SRCIN1: variants seen among roughly 807,000 people sequenced by gnomAD.
The protein encoded by SRCIN1 is SRC kinase signaling inhibitor 1.
In SRCIN1, 50 loss-of-function variants were observed where a neutral mutation model predicts 116.2. The ratio of observed to expected loss-of-function variants is 0.43; its 90% CI spans 0.34 to 0.54. The LOEUF is 0.54. Ranked by LOEUF, SRCIN1 falls within the 20% of genes least tolerant of loss-of-function variation. The pLI is 0.02. For synonymous variants in SRCIN1, 736 were observed against 750.0 expected (o/e 0.98, Z 0.30); for missense variants, 1,446 against 1,672.0 (o/e 0.86, Z 2.36).
Position 38,563,349 on chromosome 17 carries a change from G to C in SRCIN1, c.714C>G (p.Asn238Lys), listed in dbSNP as rs868705738. 1 of 1,577,728 alleles carries C rather than the reference G, an allele frequency of 6.3e-7. No homozygotes were observed. Among genetic ancestry groups the C allele is most frequent in the South Asian group, 1.2e-5 (1 of 85,662 alleles). Residue 238 changes from asparagine (N) to lysine (K), a missense_variant, in exon 5 of 19, where the codon AAC becomes AAG. Coordinates refer to ENST00000617146, the MANE Select transcript of SRCIN1 (RefSeq NM_025248.3). The surrounding 1 kb of genome is among the most constrained non-coding windows in gnomAD (Gnocchi z 5.8). ...TAILIKDEARNVFYELEDVRD... is the reference protein window; with the variant it reads ...TAILIKDEARKVFYELEDVRD... ...GGACGTCCTCCAGCTCGTAGAAGAC[G>C]TTGCGAGCCTCGTCTTTGATGAGGA...
chr17:38,566,599 T>C (rs936190303), intron 3 of SRCIN1, among the ~76,000 whole-genome samples: 3 of 152,172 alleles, frequency 2.0e-5, no homozygotes, highest in Admixed American at 6.5e-5. Flanking sequence ...AGGTTGTCCA[T>C]AGACTAGGGA....
At chr17:38,595,785 C>T (rs1314277623) in intron 1 of SRCIN1, among the ~76,000 whole-genome samples, 1 of 152,240 alleles carries the variant, frequency 6.6e-6, no homozygotes, top group Non-Finnish European at 1.5e-5. Flanking sequence ...TACATGGCGG[C>T]TTTGCAGCCT....
At position 38,562,243 on chromosome 17, in the gene SRCIN1, G is replaced by A. The variant is rs1046407725; in HGVS notation, c.920C>T (p.Ser307Leu). 18 of 1,459,414 alleles carry A rather than the reference G, an allele frequency of 1.2e-5. No homozygotes were observed. The highest frequency in any genetic ancestry group is 1.5e-5 in the African/African-American group (1 of 67,214). 90.4% of individuals were successfully genotyped at this position (1,459,414 alleles called of 1,614,324 possible). Residue 307 changes from serine (S) to leucine (L), a missense_variant, in exon 7 of 19, where the codon TCG (serine) becomes TTG (leucine). Physicochemically the swap from Ser to Leu is moderately radical, Grantham distance 145. This residue lies in a region of SRCIN1 where 239 missense variants were observed against 317.7 expected (regional missense o/e 0.75). Coordinates refer to ENST00000617146, the MANE Select transcript of SRCIN1 (RefSeq NM_025248.3). This position sits in a 1 kb window ranked among gnomAD's most constrained non-coding sequence, Gnocchi z 4.2. The stretch of plus-strand genomic sequence containing the variant: ...CCCCGACGGCAGCCCGGGCGGCGGC[G>A]AGCCGGATGCCAGGTGCGGCGCTGG... The part of the protein sequence containing the change: ...LSPAPHLASG[S>L]PPPGLPSGLP...
intron 18 of SRCIN1, 86 bp downstream of exon 18, chr17:38,543,737 G>C: frequency 2.0e-6 from 3 of 1,520,188 alleles, no homozygotes; most frequent in Non-Finnish European, 2.6e-6. Context: ...CTGGTCACGG[G>C]AGCAGGGGCA....
In SRCIN1 at chr17:38,559,636, C is replaced by G. The variant is rs1431568753; in HGVS notation, c.1974G>C (p.Gln658His). Reference protein sequence around the residue: ...LQMQLHLRGLQNSASDLRGQL... With the variant: ...LQMQLHLRGLHNSASDLRGQL... ...GGCCGCGCAAGTCACTGGCGCTGTT[C>G]TGCAGGCCTCGCAGGTGAAGCTGCA... Residue 658 changes from glutamine (Q) to histidine (H), a missense_variant, in exon 10 of 19, where the codon CAG becomes CAC. This residue lies in a region of SRCIN1 where 398 missense variants were observed against 385.6 expected (regional missense o/e 1.03). Transcript: ENST00000617146. The G allele has an allele frequency of 3.7e-6, 6 of 1,603,302 alleles. No individual in the cohort carries two copies. Among genetic ancestry groups the G allele is most frequent in the Non-Finnish European group, 5.1e-6 (6 of 1,179,496 alleles).
At position 38,584,093 on chromosome 17, in the gene SRCIN1, T is replaced by C. The variant is rs557402358; in HGVS notation, c.23-5302A>G. ...CGTCCTGTTCCAGGCAGGGAGGGCATGAGAGACCCGGGCTGGGGTCTTAAG... is the reference window on the plus strand; with the variant it reads ...CGTCCTGTTCCAGGCAGGGAGGGCACGAGAGACCCGGGCTGGGGTCTTAAG... On this transcript the variant is annotated intron_variant, in intron 1 of 18. Transcript: ENST00000617146. Among the ~76,000 whole-genome samples the C allele has an allele frequency of 4.6e-5, 7 of 152,140 alleles. No individual in the cohort carries two copies. In the East Asian group the frequency reaches 1.4e-3, roughly 29 times the overall value.
chr17:38,550,298 T>G (rs1005847580), intron 15 of SRCIN1, among the ~76,000 whole-genome samples: 1 of 151,942 alleles, frequency 6.6e-6, no homozygotes, highest in Non-Finnish European at 1.5e-5. Flanking sequence ...ATCGAGACCA[T>G]CCTGGCTAAC....
intron 1 of SRCIN1, among the ~76,000 whole-genome samples, chr17:38,603,425 C>T (rs1337878984): frequency 1.3e-5 from 2 of 151,668 alleles, no homozygotes; most frequent in Non-Finnish European, 2.9e-5. Flanking sequence ...GGGGTTCATT[C>T]GAGCGACCCT....
At chr17:38,540,570 G>A (rs972925691) in intron 18 of SRCIN1, among the ~76,000 whole-genome samples, 7 of 152,240 alleles carry the variant, frequency 4.6e-5, no homozygotes, top group African/African-American at 1.7e-4. Context: ...GCCACAGGCT[G>A]AGCTAGTGTG....
intron 3 of SRCIN1, among the ~76,000 whole-genome samples, chr17:38,567,725 G>A (rs534029297): frequency 1.3e-5 from 2 of 152,252 alleles, no homozygotes; most frequent in South Asian, 4.1e-4. Context: ...ACAGGCTTGA[G>A]GGTGTAGGAC....
rs1337897079 is a variant in SRCIN1 at position 38,572,513 on chromosome 17, G to A, written c.325-4282C>T. On this transcript the variant is annotated intron_variant, in intron 2 of 18. Transcript: ENST00000617146. This position sits in a 1 kb window ranked among gnomAD's most constrained non-coding sequence, Gnocchi z 4.3. ...CACCTAATGCGGTGGGGGAGGGGAG[G>A]AGGCGTTTCTCAGGGATCGGGAACC... Among the ~76,000 whole-genome samples the A allele has an allele frequency of 6.6e-6, 1 of 151,970 alleles. No individual in the cohort carries two copies. The highest frequency in any genetic ancestry group is 1.5e-5 in the Non-Finnish European group (1 of 67,956).
chr17:38,556,910 G>A (rs78699272), intron 11 of SRCIN1, among the ~76,000 whole-genome samples: 3 of 152,176 alleles, frequency 2.0e-5, no homozygotes, highest in East Asian at 1.9e-4. Flanking sequence ...TTAATGTCTC[G>A]GTAAAGTTGC....
chr17:38,605,584 G>T, intron 1 of SRCIN1, 100 bp downstream of exon 1: 1 of 984,562 alleles, frequency 1.0e-6, no homozygotes. Context: ...CCCGGCCGCC[G>T]CCCCCGCCCC....
chr17:38,578,118 T>C (rs1907526951), intron 2 of SRCIN1, among the ~76,000 whole-genome samples: 1 of 152,164 alleles, frequency 6.6e-6, no homozygotes, highest in African/African-American at 2.4e-5. Context: ...CACCACAGGA[T>C]GGACTCTCAG....
rs947390049 is a variant in SRCIN1, at chr17:38,602,561, C to G, written c.22+3123G>C. The G allele has an allele frequency of 6.6e-6, 1 of 152,186 alleles. No homozygotes were observed. The highest frequency in any genetic ancestry group is 1.5e-5 in the Non-Finnish European group (1 of 68,056). 9.4% of individuals were successfully genotyped at this position (152,186 alleles called of 1,614,324 possible). A position where few individuals can be genotyped will look rare whatever the true frequency, so the allele number is the denominator to read the frequency against. ...TGTGCCCAAGCAGGGGTCCCTAGGT[C>G]AGGAAACCAGGCTTAAAGCTAGACC... On this transcript the variant is annotated intron_variant, in intron 1 of 18. Coordinates refer to ENST00000617146, the MANE Select transcript of SRCIN1 (RefSeq NM_025248.3). This position sits in a 1 kb window ranked among gnomAD's most constrained non-coding sequence, Gnocchi z 4.2.
intron 2 of SRCIN1, among the ~76,000 whole-genome samples, chr17:38,577,211 G>A (rs1567875325): frequency 1.3e-5 from 2 of 151,944 alleles, no homozygotes; most frequent in South Asian, 2.1e-4. Flanking sequence ...TCTAAACCCC[G>A]TCCCAACTGA....
chr17:38,567,576 G>A (rs62075730), intron 3 of SRCIN1, among the ~76,000 whole-genome samples: 1 of 152,062 alleles, frequency 6.6e-6, no homozygotes, highest in African/African-American at 2.4e-5. Flanking sequence ...CAGGAGGCAA[G>A]CAGGTGCCTG....
chr17:38,556,445 T>C (rs767216517), intron 11 of SRCIN1, among the ~76,000 whole-genome samples: 93 of 152,340 alleles, frequency 6.1e-4, no homozygotes, highest in Non-Finnish European at 1.1e-3. Flanking sequence ...GTGAGTCAAG[T>C]TGAATGAAAC....
At chr17:38,570,884 G>A (rs563875956) in intron 2 of SRCIN1, among the ~76,000 whole-genome samples, 5 of 152,232 alleles carry the variant, frequency 3.3e-5, no homozygotes, top group African/African-American at 4.8e-5. Flanking sequence ...CGCTTGTGCC[G>A]GTCACTTGGA....
Sources: allele counts gnomAD v4.1 joint callset (sites outside exome capture counted in the v4.1 genomes callset), GRCh38; gene constraint gnomAD v4.1.1; regional missense constraint gnomAD v4.1.1; non-coding constraint Gnocchi (gnomAD v3.1); transcripts MANE v1.5; gene names NCBI Gene and HGNC (gene_info 2026-07-23, HGNC 2026-07-21).